NTNG1: variants seen among roughly 807,000 people sequenced by gnomAD.
The protein encoded by NTNG1 is netrin G1.
A neutral mutation model predicts 54.0 loss-of-function variants in NTNG1; 16 were observed. That is an observed-to-expected ratio of 0.30 (90% confidence interval 0.20 to 0.45). The LOEUF is 0.45. NTNG1 is among the 20% of genes least tolerant of loss of function. The probability of loss-of-function intolerance (pLI) is 1.00; values close to 1 mark genes in which losing one functional copy is unlikely to be tolerated. For synonymous variants in NTNG1, 255 were observed against 263.1 expected, an observed-to-expected ratio of 0.97 and a Z score of 0.30; for missense variants, 530 against 678.7, an observed-to-expected ratio of 0.78 and a Z score of 2.43.
At chr1:107,306,986 G>A (rs1666732969) in intron 2 of NTNG1, among the ~76,000 whole-genome samples, 1 of 152,120 alleles carries the variant, frequency 6.6e-6, no homozygotes, top group Non-Finnish European at 1.5e-5. Context: ...CTTGTGTTTG[G>A]TCTTTTCTCA....
At chr1:107,283,714 A>T (rs1009222438) in intron 2 of NTNG1, among the ~76,000 whole-genome samples, 2 of 152,116 alleles carry the variant, frequency 1.3e-5, no homozygotes, top group Non-Finnish European at 2.9e-5. Flanking sequence ...TAGCTTCTTC[A>T]GTTTGCCACA....
intron 2 of NTNG1, among the ~76,000 whole-genome samples, chr1:107,288,216 A>G (rs939934272): frequency 1.3e-5 from 2 of 152,190 alleles, no homozygotes; most frequent in East Asian, 3.9e-4. Flanking sequence ...AAGAGAAAAA[A>G]TGATTTCAAA....
At chr1:107,419,620 C>T (rs1195528472) in intron 5 of NTNG1, among the ~76,000 whole-genome samples, 1 of 118,278 alleles carries the variant, frequency 8.5e-6, no homozygotes, top group Non-Finnish European at 1.9e-5. Context: ...CTTCTTCCTT[C>T]TTCAAAAAAA....
chr1:107,197,268 GTC>G lies in NTNG1; in HGVS notation c.246+48433_246+48434del, dbSNP rs1050686228. On this transcript the variant is annotated intron_variant, in intron 2 of 7. Coordinates refer to ENST00000370068, the MANE Select transcript of NTNG1 (RefSeq NM_001113226.3). ...GGTCAGCTGTGCTGAAACTAGGTAGGTCTCTGCTGGCTTACTGCCACTCCCAA... is the reference window on the plus strand; with the variant it reads ...GGTCAGCTGTGCTGAAACTAGGTAGGTCTGCTGGCTTACTGCCACTCCCAA... Among the ~76,000 whole-genome samples, 59 of 152,026 alleles carry G rather than the reference GTC, an allele frequency of 3.9e-4. 1 individual carries two copies. Among genetic ancestry groups the G allele is most frequent in the African/African-American group, 1.3e-3 (52 of 41,492 alleles).
At chr1:107,402,289 C>G (rs1673093050) in intron 4 of NTNG1, among the ~76,000 whole-genome samples, 1 of 152,078 alleles carries the variant, frequency 6.6e-6, no homozygotes, top group South Asian at 2.1e-4. Context: ...ACATCCTGAC[C>G]CATCCATCCT....
At chr1:107,370,425 G>A (rs1199432073) in intron 3 of NTNG1, among the ~76,000 whole-genome samples, 1 of 151,552 alleles carries the variant, frequency 6.6e-6, no homozygotes, top group African/African-American at 2.4e-5. Flanking sequence ...TTCTTTAGTG[G>A]TGATTTGTGA....
chr1:107,217,600 T>C (rs1660057990), intron 2 of NTNG1, among the ~76,000 whole-genome samples: 1 of 152,186 alleles, frequency 6.6e-6, no homozygotes, highest in Admixed American at 6.5e-5. Context: ...GCTATGAACT[T>C]TCCTCTTAGC....
chr1:107,432,160 T>C (rs1675309050), intron 6 of NTNG1, among the ~76,000 whole-genome samples: 1 of 152,202 alleles, frequency 6.6e-6, no homozygotes, highest in African/African-American at 2.4e-5. Flanking sequence ...AGCTCATGGC[T>C]GTGTGCCATA....
Position 107,208,413 on chromosome 1 carries a change from A to G in NTNG1, c.246+59574A>G, listed in dbSNP as rs1659354909. 3.5e-5 allele frequency among the ~76,000 whole-genome samples: 5 copies of G among 143,474 alleles called. No homozygotes were observed. The South Asian group carries it at 1.2e-3, about 35-fold the overall frequency. The allele number at this position is 143,474 out of a possible 152,430, so 94.1% of individuals were successfully genotyped here. On this transcript the variant is annotated intron_variant, in intron 2 of 7. Coordinates refer to ENST00000370068, the MANE Select transcript of NTNG1 (RefSeq NM_001113226.3). ...CCACTGCACTCCAGCCTGGGCAACA[A>G]GAGCCAAACATCATCTCAAAAAAAA...
chr1:107,214,052 T>C (rs1196540306), intron 2 of NTNG1, among the ~76,000 whole-genome samples: 1 of 152,170 alleles, frequency 6.6e-6, no homozygotes, highest in East Asian at 1.9e-4. Context: ...TTTTAATAAA[T>C]ATAAGTTCTT....
At position 107,426,670 on chromosome 1, in the gene NTNG1, G is replaced by A. The variant is rs115086712; in HGVS notation, c.1088-4080G>A. ...TTGGCTATTTGGGCTTTTTTTGGGG[G>A]GTGGGGTTCCATATGAACTTCAGGA... On this transcript the variant is annotated intron_variant, in intron 5 of 7. Transcript: ENST00000370068. Among the ~76,000 whole-genome samples, 3 of 151,674 alleles carry A rather than the reference G, an allele frequency of 2.0e-5. No homozygotes were observed. In the East Asian group the frequency reaches 5.8e-4, roughly 29 times the overall value.
At chr1:107,266,326 G>A (rs181061514) in intron 2 of NTNG1, among the ~76,000 whole-genome samples, 1 of 152,200 alleles carries the variant, frequency 6.6e-6, no homozygotes, top group Admixed American at 6.5e-5. Context: ...ATTGGCTCAT[G>A]GTTCTGCGGG....
intron 2 of NTNG1, among the ~76,000 whole-genome samples, chr1:107,294,215 C>T (rs113377490): frequency 0.013 from 1,930 of 152,264 alleles, 25 homozygotes; most frequent in Non-Finnish European, 0.016. Flanking sequence ...GGCCCAAGTC[C>T]AGAGCTTTTA....
chr1:107,264,209 T>TCAC (rs1159281413), intron 2 of NTNG1, among the ~76,000 whole-genome samples: 1 of 151,924 alleles, frequency 6.6e-6, no homozygotes, highest in African/African-American at 2.4e-5. Flanking sequence ...CCCCCTCCCC[T>TCAC]CACCACCACC....
At chr1:107,407,933 T>C (rs1408257952) in intron 5 of NTNG1, 5 of 715,352 alleles carry the variant, frequency 7.0e-6, no homozygotes, top group Non-Finnish European at 1.3e-5. Context: ...CTATGACTTT[T>C]CTGACTACTC....
At chr1:107,302,748 C>T (rs755767405) in intron 2 of NTNG1, among the ~76,000 whole-genome samples, 4 of 152,080 alleles carry the variant, frequency 2.6e-5, no homozygotes, top group Non-Finnish European at 5.9e-5. Context: ...CCAGAATGAA[C>T]AGAGGCAGTC....
At chr1:107,280,603 CTTTT>C (rs201973865) in intron 2 of NTNG1, among the ~76,000 whole-genome samples, 2 of 133,886 alleles carry the variant, frequency 1.5e-5, no homozygotes, top group Non-Finnish European at 1.6e-5. Flanking sequence ...GTTGGCATGG[CTTTT>C]TTTTTTTTTT....
chr1:107,290,963 T>A (rs1304469511), intron 2 of NTNG1, among the ~76,000 whole-genome samples: 2 of 142,530 alleles, frequency 1.4e-5, no homozygotes, highest in East Asian at 2.1e-4. Flanking sequence ...TATATATATA[T>A]TATATATATA....
At chr1:107,169,459 C>A (rs948610028) in intron 2 of NTNG1, among the ~76,000 whole-genome samples, 5 of 152,072 alleles carry the variant, frequency 3.3e-5, no homozygotes, top group Non-Finnish European at 7.4e-5. Flanking sequence ...AGTAATTTCT[C>A]ATTTGCTGGT....
Sources: allele counts gnomAD v4.1 joint callset (sites outside exome capture counted in the v4.1 genomes callset), GRCh38; gene constraint gnomAD v4.1.1; transcripts MANE v1.5; gene names NCBI Gene and HGNC (gene_info 2026-07-23, HGNC 2026-07-21).